Variants in VAV2 observed in about 807,000 individuals in gnomAD.
The protein encoded by VAV2 is vav guanine nucleotide exchange factor 2, also known as guanine nucleotide exchange factor VAV2.
A neutral mutation model predicts 132.5 loss-of-function variants in VAV2; 67 were observed. The observed-to-expected ratio is 0.51, with a 90% CI of 0.42 to 0.62. The LOEUF is 0.62. VAV2 is among the 20% of genes least tolerant of loss of function. VAV2 has a pLI of 0.00. For missense variants in VAV2, 938 were observed against 1,153.6 expected (o/e 0.81, Z 2.71); for synonymous variants, 492 against 443.5 (o/e 1.11, Z -1.37).
At chr9:133,899,662 G>A (rs568075413) in intron 2 of VAV2, among the ~76,000 whole-genome samples, 3 of 148,184 alleles carry the variant, frequency 2.0e-5, no homozygotes, top group South Asian at 2.2e-4. Context: ...CACCCACCTC[G>A]GCCTCCCAAA....
intron 1 of VAV2, among the ~76,000 whole-genome samples, chr9:133,950,394 G>A (rs946306843): frequency 1.3e-5 from 2 of 152,142 alleles, no homozygotes; most frequent in Non-Finnish European, 2.9e-5. Flanking sequence ...CTAGGCCGCC[G>A]CCCAGCCGTG....
At chr9:133,929,870 G>C (rs562143) in intron 2 of VAV2, among the ~76,000 whole-genome samples, 54,030 of 152,142 alleles carry the variant, frequency 0.36, 11,330 homozygotes, top group Middle Eastern at 0.47. Flanking sequence ...GGTTTCCTCA[G>C]CTGTGACGGA....
intron 1 of VAV2, among the ~76,000 whole-genome samples, chr9:133,944,627 A>G (rs781364039): frequency 1.3e-5 from 2 of 152,218 alleles, no homozygotes; most frequent in Non-Finnish European, 2.9e-5. Flanking sequence ...CAGTGAGCTC[A>G]TGGGTAGGCC....
chr9:133,767,882 G>A (rs1371780736), intron 29 of VAV2, among the ~76,000 whole-genome samples: 1 of 152,196 alleles, frequency 6.6e-6, no homozygotes, highest in African/African-American at 2.4e-5. Flanking sequence ...AGGTCCAGAT[G>A]GGGTGTTGGG....
intron 1 of VAV2, among the ~76,000 whole-genome samples, chr9:133,970,411 C>T (rs562610942): frequency 5.4e-4 from 82 of 152,312 alleles, no homozygotes; most frequent in African/African-American, 1.9e-3. Flanking sequence ...TTGGCCCACA[C>T]GAGGCCACCG....
intron 3 of VAV2, among the ~76,000 whole-genome samples, chr9:133,858,923 C>T (rs1837489114): frequency 6.6e-6 from 1 of 152,228 alleles, no homozygotes; most frequent in Admixed American, 6.5e-5. Flanking sequence ...GGGCAGTTCC[C>T]CGACCTGAGA....
intron 4 of VAV2, among the ~76,000 whole-genome samples, chr9:133,816,674 A>T (rs1379423089): frequency 1.3e-5 from 2 of 152,222 alleles, no homozygotes; most frequent in Admixed American, 6.5e-5. Context: ...TTGAGGCTGC[A>T]ATAAGTTATG....
chr9:133,971,026 AT>A (rs1000369427), intron 1 of VAV2, among the ~76,000 whole-genome samples: 1 of 152,218 alleles, frequency 6.6e-6, no homozygotes, highest in Non-Finnish European at 1.5e-5. Context: ...ATATATATAT[AT>A]TACAGGTGCA....
intron 2 of VAV2, among the ~76,000 whole-genome samples, chr9:133,923,299 A>G (rs1840360524): frequency 1.3e-5 from 2 of 152,244 alleles, no homozygotes; most frequent in South Asian, 2.1e-4. Context: ...AAAATTAGAC[A>G]TAGAACTACT....
chr9:133,928,296 C>A lies in VAV2; in HGVS notation c.321+10807G>T, dbSNP rs905889533. On this transcript the variant is annotated intron_variant, in intron 2 of 29. Coordinates refer to ENST00000371850, the MANE Select transcript of VAV2 (RefSeq NM_001134398.2). The surrounding 1 kb of genome is among the most constrained non-coding windows in gnomAD (Gnocchi z 5.4). ...CTGAAAGTGGGTGGGTGAATAACGT[C>A]CTGAAATGACAACAACTAGCAGATA... 3.3e-5 allele frequency among the ~76,000 whole-genome samples: 5 copies of A among 152,084 alleles called. No individual in the cohort carries two copies. Among genetic ancestry groups the A allele is most frequent in the Admixed American group, 2.0e-4 (3 of 15,262 alleles).
intron 1 of VAV2, among the ~76,000 whole-genome samples, chr9:133,990,807 C>T (rs527636110): frequency 3.3e-5 from 5 of 152,328 alleles, no homozygotes; most frequent in Admixed American, 2.0e-4. Context: ...CACTGACATC[C>T]TGCGGGAAGA....
intron 8 of VAV2, among the ~76,000 whole-genome samples, chr9:133,806,510 C>T (rs1835152185): frequency 6.6e-6 from 1 of 151,584 alleles, no homozygotes; most frequent in South Asian, 2.1e-4. Context: ...TCAGGCCACA[C>T]CCCGGGACCC....
intron 16 of VAV2, among the ~76,000 whole-genome samples, chr9:133,786,301 CAT>C (rs1239988823): frequency 4.6e-5 from 7 of 152,256 alleles, no homozygotes; most frequent in African/African-American, 1.4e-4. Flanking sequence ...CAGGTACACA[CAT>C]GTACTAACAC....
intron 2 of VAV2, chr9:133,926,000 CAAAAAAAAAAAAAAAAA>C (rs10555726): frequency 1.3e-4 from 8 of 63,822 alleles, no homozygotes; most frequent in East Asian, 5.0e-4. Context: ...GGACATGGAC[CAAAAAAAAAAAAAAAAA>C]AAAAAAAAAA....
At position 133,801,856 on chromosome 9, in the gene VAV2, C is replaced by T. The variant is rs572644472; in HGVS notation, c.837-4047G>A. 3.3e-5 allele frequency among the ~76,000 whole-genome samples: 5 copies of T among 152,284 alleles called. No homozygotes were observed. The East Asian group carries it at 5.8e-4, about 18-fold the overall frequency. Reference sequence around the variant, plus strand: ...CCCGGGGCCTCCAGCAGCTGCAGGACGTAGGAAGGATCCCCCTGAAGCCTC... The same window carrying T: ...CCCGGGGCCTCCAGCAGCTGCAGGATGTAGGAAGGATCCCCCTGAAGCCTC... On this transcript the variant is annotated intron_variant, in intron 9 of 29. Coordinates refer to ENST00000371850, the MANE Select transcript of VAV2 (RefSeq NM_001134398.2).
intron 9 of VAV2, 22 bp from the exon 10 acceptor site, chr9:133,797,831 A>G: frequency 1.2e-6 from 2 of 1,608,348 alleles, no homozygotes; most frequent in Non-Finnish European, 1.7e-6. Flanking sequence ...ACACACACGC[A>G]CACACGCACA....
chr9:133,786,662 G>A (rs1362836851), intron 16 of VAV2, among the ~76,000 whole-genome samples: 1 of 152,226 alleles, frequency 6.6e-6, no homozygotes, highest in African/African-American at 2.4e-5. Context: ...GGCACCCCCC[G>A]TGAAGCCATC....
At chr9:133,844,876 T>C (rs1171561908) in intron 3 of VAV2, among the ~76,000 whole-genome samples, 1 of 152,266 alleles carries the variant, frequency 6.6e-6, no homozygotes, top group East Asian at 1.9e-4. Context: ...CAGCACTCTC[T>C]GTGCCCGACG....
At chr9:133,877,343 G>T (rs1272295443) in intron 2 of VAV2, among the ~76,000 whole-genome samples, 1 of 152,162 alleles carries the variant, frequency 6.6e-6, no homozygotes, top group Admixed American at 6.5e-5. Context: ...CAATCCACTG[G>T]CCAGGCGGAC....
Sources: allele counts gnomAD v4.1 joint callset (sites outside exome capture counted in the v4.1 genomes callset), GRCh38; gene constraint gnomAD v4.1.1; non-coding constraint Gnocchi (gnomAD v3.1); transcripts MANE v1.5; gene names NCBI Gene and HGNC (gene_info 2026-07-23, HGNC 2026-07-21).